The following TMEFF2 variants were observed in gnomAD, a reference collection of about 807,000 sequenced individuals.
TMEFF2 encodes the protein transmembrane protein with EGF like and two follistatin like domains 2.
TMEFF2 carries 28 observed loss-of-function variants against 53.8 expected under a neutral mutation model. That is an observed-to-expected ratio of 0.52 (90% CI 0.39 to 0.71). The LOEUF is 0.71. Ranked by LOEUF, TMEFF2 falls within the 30% of genes least tolerant of loss-of-function variation. TMEFF2 has a pLI of 0.00. For missense variants in TMEFF2, 353 were observed against 455.2 expected (o/e 0.78, Z 2.04); for synonymous variants, 162 against 166.3 (o/e 0.97, Z 0.20).
chr2:191,958,724 A>G (rs968293611), intron 7 of TMEFF2, among the ~76,000 whole-genome samples: 5 of 152,238 alleles, frequency 3.3e-5, no homozygotes, highest in African/African-American at 1.2e-4. Flanking sequence ...AGTTTACACT[A>G]TTCCTTATGA....
At chr2:191,978,845 G>A (rs1333040441) in intron 7 of TMEFF2, among the ~76,000 whole-genome samples, 3 of 152,188 alleles carry the variant, frequency 2.0e-5, no homozygotes, top group Non-Finnish European at 2.9e-5. Context: ...TCTTCTTATG[G>A]TGAATTCCGT....
chr2:192,128,591 A>C (rs1689734433), intron 4 of TMEFF2, among the ~76,000 whole-genome samples: 1 of 152,214 alleles, frequency 6.6e-6, no homozygotes. Context: ...ATCTATTTTA[A>C]TTCTTGTGCA....
At chr2:192,164,573 C>T (rs1006269928) in intron 4 of TMEFF2, among the ~76,000 whole-genome samples, 5 of 151,950 alleles carry the variant, frequency 3.3e-5, no homozygotes, top group Non-Finnish European at 1.5e-5. Context: ...ACTAAAAATA[C>T]AAAAATTAGC....
chr2:192,079,056 A>G (rs982003133), intron 4 of TMEFF2, among the ~76,000 whole-genome samples: 6 of 152,208 alleles, frequency 3.9e-5, no homozygotes, highest in Admixed American at 3.9e-4. Flanking sequence ...GTTGCAAGAT[A>G]GGCAGTTGGC....
At chr2:192,120,000 G>A (rs1020625284) in intron 4 of TMEFF2, among the ~76,000 whole-genome samples, 11 of 152,086 alleles carry the variant, frequency 7.2e-5, no homozygotes, top group Non-Finnish European at 1.6e-4. Context: ...CTGCTCTCTA[G>A]TAAATATTAT....
chr2:192,192,057 C>T lies in TMEFF2; in HGVS notation c.173-68G>A, dbSNP rs1000845521. 4 of 1,095,264 alleles carry T rather than the reference C, an allele frequency of 3.7e-6. No individual in the cohort carries two copies. In the African/African-American group the frequency reaches 6.3e-5, roughly 17 times the overall value. 67.8% of individuals were successfully genotyped at this position (1,095,264 alleles called of 1,614,324 possible). On this transcript the variant is annotated intron_variant, in intron 1 of 9. Transcript: ENST00000272771. ...AGATTTTTAACAAAAAAAAGCACTA[C>T]TTTGAAGCTTTAAAATACTTGTCCT... is the stretch of plus-strand genomic sequence containing the variant.
intron 4 of TMEFF2, among the ~76,000 whole-genome samples, chr2:192,107,539 G>GA (rs928995438): frequency 2.0e-5 from 3 of 151,484 alleles, no homozygotes; most frequent in Non-Finnish European, 3.0e-5. Flanking sequence ...ATAGTATTAG[G>GA]AAAAAAATAG....
At chr2:191,960,287 C>T (rs139761235) in intron 7 of TMEFF2, among the ~76,000 whole-genome samples, 1,646 of 152,290 alleles carry the variant, frequency 0.011, 17 homozygotes, top group Non-Finnish European at 0.013. Flanking sequence ...ATTCAGTTAA[C>T]CCATTTCTCT....
At chr2:192,046,911 GT>G (rs35550976) in intron 5 of TMEFF2, among the ~76,000 whole-genome samples, 107,691 of 146,240 alleles carry the variant, frequency 0.74, 41,240 homozygotes, top group Middle Eastern at 0.87. Flanking sequence ...TGTGTTACCT[GT>G]TTTTTTTTTT....
At chr2:191,999,839 C>T (rs1686313838) in intron 5 of TMEFF2, among the ~76,000 whole-genome samples, 1 of 151,730 alleles carries the variant, frequency 6.6e-6, no homozygotes, top group Non-Finnish European at 1.5e-5. Flanking sequence ...ATAAACAACC[C>T]TTCTGTATAA....
chr2:192,165,095 C>T (rs942191993), intron 4 of TMEFF2, among the ~76,000 whole-genome samples: 1 of 151,832 alleles, frequency 6.6e-6, no homozygotes, highest in African/African-American at 2.4e-5. Flanking sequence ...GTTTCTATGA[C>T]TAGTGCCGTA....
Position 192,194,908 on chromosome 2 carries a change from T to A in TMEFF2, c.-384A>T, listed in dbSNP as rs929321667. 12 of 220,418 alleles carry A rather than the reference T, an allele frequency of 5.4e-5. No homozygotes were observed. In the South Asian group the frequency reaches 8.4e-4, roughly 15 times the overall value. The allele number at this position is 220,418 out of a possible 1,614,324, so 13.7% of individuals were successfully genotyped here. A position where few individuals can be genotyped will look rare whatever the true frequency, so the allele number is the denominator to read the frequency against. On this transcript the variant is annotated 5_prime_UTR_variant, in exon 1 of 10. Coordinates refer to ENST00000272771, the MANE Select transcript of TMEFF2 (RefSeq NM_016192.4). This position sits in a 1 kb window ranked among gnomAD's most constrained non-coding sequence, Gnocchi z 4.2. ...CGCCCCGCAGCCCGGCAGCCGCCTC[T>A]CGAGCTCTGCCGCCCGCATCCCTCT...
intron 4 of TMEFF2, among the ~76,000 whole-genome samples, chr2:192,157,510 G>C (rs1232441541): frequency 1.3e-5 from 2 of 151,998 alleles, no homozygotes; most frequent in African/African-American, 4.8e-5. Context: ...TAGCTCACAA[G>C]AAGTGTAACA....
chr2:192,174,792 C>A (rs1690998492), intron 4 of TMEFF2, among the ~76,000 whole-genome samples: 1 of 151,536 alleles, frequency 6.6e-6, no homozygotes. Context: ...GTAATGTGAG[C>A]CCAAGCGCTT....
intron 5 of TMEFF2, among the ~76,000 whole-genome samples, chr2:192,017,672 C>T (rs1314205706): frequency 6.6e-6 from 1 of 152,104 alleles, no homozygotes; most frequent in East Asian, 1.9e-4. Context: ...AGTCCTAATT[C>T]CCCTTTTTCT....
At chr2:191,993,246 TTACTAA>T (rs1686148579) in intron 7 of TMEFF2, among the ~76,000 whole-genome samples, 1 of 152,090 alleles carries the variant, frequency 6.6e-6, no homozygotes, top group African/African-American at 2.4e-5. Flanking sequence ...AAACGGGATG[TTACTAA>T]TAGGATGGAC....
In TMEFF2 at chr2:192,150,122, ATAAC is replaced by A. The variant is rs1430964450; in HGVS notation, c.439+29542_439+29545del. 4.6e-5 allele frequency among the ~76,000 whole-genome samples: 7 copies of A among 152,146 alleles called. No homozygotes were observed. The South Asian group carries it at 8.3e-4, about 18-fold the overall frequency. On this transcript the variant is annotated intron_variant, in intron 4 of 9. Coordinates refer to ENST00000272771, the MANE Select transcript of TMEFF2 (RefSeq NM_016192.4). ...ACATCATTTTAAAATTAATTAAAAT[ATAAC>A]TAACAAGTGAACAAATAAAACACAC...
chr2:192,026,398 G>A (rs147865651), intron 5 of TMEFF2, among the ~76,000 whole-genome samples: 179 of 152,270 alleles, frequency 1.2e-3, no homozygotes, highest in African/African-American at 4.0e-3. Context: ...GTGTGTCAAT[G>A]CACATTAATA....
chr2:191,984,086 T>C (rs1401130389), intron 7 of TMEFF2, among the ~76,000 whole-genome samples: 1 of 152,202 alleles, frequency 6.6e-6, no homozygotes, highest in Non-Finnish European at 1.5e-5. Context: ...TAATATAAGC[T>C]ATGGAGGTAA....
Sources: gnomAD v4.1 joint callset for allele counts (sites outside exome capture counted in the v4.1 genomes callset) on GRCh38, gnomAD v4.1.1 for gene constraint, Gnocchi (gnomAD v3.1) non-coding constraint, MANE v1.5 for transcripts, NCBI Gene and HGNC (gene_info 2026-07-23, HGNC 2026-07-21) for gene names.